The following NFASC variants were observed in gnomAD, a reference collection of about 807,000 sequenced individuals.
NFASC encodes the protein neurofascin homolog.
A neutral mutation model predicts 147.5 loss-of-function variants in NFASC; 43 were observed. The observed-to-expected ratio is 0.29, with a 90% CI of 0.23 to 0.38. The LOEUF is 0.38. Ranked by LOEUF, NFASC falls within the 10% of genes least tolerant of loss-of-function variation. The probability of loss-of-function intolerance (pLI) is 1.00; values close to 1 mark genes in which losing one functional copy is unlikely to be tolerated. For missense variants in NFASC, 1,320 were observed against 1,689.0 expected (o/e 0.78, Z 3.83); for synonymous variants, 622 against 665.5 (o/e 0.93, Z 1.01).
intron 3 of NFASC, chr1:204,946,344 G>A (rs1279806339): frequency 2.0e-6 from 1 of 512,460 alleles, no homozygotes; most frequent in Non-Finnish European, 3.9e-6. Flanking sequence ...TCCTTAGCCT[G>A]CGGGTTAGAG....
intron 1 of NFASC, among the ~76,000 whole-genome samples, chr1:204,864,228 G>A (rs1444831563): frequency 1.3e-5 from 2 of 152,142 alleles, no homozygotes; most frequent in Non-Finnish European, 2.9e-5. Flanking sequence ...AATATTCCAT[G>A]GTATGAATGC....
chr1:204,919,646 G>A (rs1294928810), intron 1 of NFASC, among the ~76,000 whole-genome samples: 1 of 151,318 alleles, frequency 6.6e-6, no homozygotes, highest in Non-Finnish European at 1.5e-5. Context: ...TTTTTGGGGG[G>A]CAGATGGAGT....
Position 205,022,685 on chromosome 1 carries a change from A to G in NFASC, c.*6146A>G, listed in dbSNP as rs1039030048. 4 of 152,678 alleles carry G rather than the reference A, an allele frequency of 2.6e-5. No individual in the cohort carries two copies. Among genetic ancestry groups the G allele is most frequent in the Admixed American group, 2.6e-4 (4 of 15,280 alleles). 9.5% of individuals were successfully genotyped at this position (152,678 alleles called of 1,614,324 possible). A position where few individuals can be genotyped will look rare whatever the true frequency, so the allele number is the denominator to read the frequency against. ...ACTTCTGGGCCATGGAGGGCCGTCT[A>G]ATACATGGACTTATAAACTGACTGC... is the stretch of plus-strand genomic sequence containing the variant. On this transcript the variant is annotated 3_prime_UTR_variant, in exon 30 of 30. Transcript: ENST00000339876.
intron 3 of NFASC, among the ~76,000 whole-genome samples, chr1:204,945,942 A>G (rs2093698120): frequency 2.0e-5 from 3 of 152,188 alleles, no homozygotes; most frequent in Admixed American, 2.0e-4. Context: ...CCCCAGGGCC[A>G]GTGGGTGAGG....
At chr1:204,851,490 G>T (rs2075691043) in intron 1 of NFASC, among the ~76,000 whole-genome samples, 1 of 151,986 alleles carries the variant, frequency 6.6e-6, no homozygotes, top group African/African-American at 2.4e-5. Flanking sequence ...ATGCCACCAT[G>T]CCTGGCCAAT....
At chr1:204,905,360 G>C (rs1411001878) in intron 1 of NFASC, among the ~76,000 whole-genome samples, 1 of 138,898 alleles carries the variant, frequency 7.2e-6, no homozygotes, top group African/African-American at 2.7e-5. Context: ...TCCAGCTTTT[G>C]TTATTTTCAG....
rs1248386082 is a variant in NFASC at position 204,968,903 on chromosome 1, G to A, written c.924G>A (p.Glu308=). The part of the protein sequence containing the change: ...NKALRITNVS[E]EDSGEYFCLA... ...CCCTGCGTATCACAAATGTCTCTGA[G>A]GAAGACTCCGGGGAGTATTTCTGCC... Residue 308 remains glutamate (E), a synonymous_variant, in exon 10 of 30, where the codon GAG becomes GAA. Coordinates refer to ENST00000339876, the MANE Select transcript of NFASC (RefSeq NM_001005388.3). This position sits in a 1 kb window ranked among gnomAD's most constrained non-coding sequence, Gnocchi z 5.4. The A allele has an allele frequency of 1.2e-6, 2 of 1,614,044 alleles. No individual in the cohort carries two copies. Among genetic ancestry groups the A allele is most frequent in the Non-Finnish European group, 1.7e-6 (2 of 1,180,026 alleles).
chr1:204,902,960 A>AGTAGG (rs1163442070), intron 1 of NFASC, among the ~76,000 whole-genome samples: 1 of 152,182 alleles, frequency 6.6e-6, no homozygotes, highest in Admixed American at 6.5e-5. Context: ...GCAGGCACAG[A>AGTAGG]GTAGGTGGAA....
intron 21 of NFASC, chr1:204,985,988 G>T: frequency 6.2e-7 from 1 of 1,614,042 alleles, no homozygotes; most frequent in Non-Finnish European, 8.5e-7. Flanking sequence ...CTTCCCTGGT[G>T]ACCGCCTCCG....
At chr1:204,860,700 ACC>A (rs761447591) in intron 1 of NFASC, among the ~76,000 whole-genome samples, 1 of 152,170 alleles carries the variant, frequency 6.6e-6, no homozygotes, top group Non-Finnish European at 1.5e-5. Flanking sequence ...GACTTTTATT[ACC>A]CCAAAAGGAA....
At chr1:204,842,599 C>G (rs1675675779) in intron 1 of NFASC, among the ~76,000 whole-genome samples, 1 of 152,252 alleles carries the variant, frequency 6.6e-6, no homozygotes, top group South Asian at 2.1e-4. Flanking sequence ...AGAAGCCTGG[C>G]CCGTTCTGTG....
intron 8 of NFASC, among the ~76,000 whole-genome samples, chr1:204,963,699 C>T (rs1478421821): frequency 1.3e-5 from 2 of 152,310 alleles, no homozygotes; most frequent in Non-Finnish European, 1.5e-5. Flanking sequence ...GGAGCTGACC[C>T]AAGTATGAAG....
intron 13 of NFASC, 134 bp from the exon 14 acceptor site, chr1:204,974,523 C>T (rs747348028): frequency 8.9e-6 from 10 of 1,118,420 alleles, no homozygotes; most frequent in African/African-American, 7.6e-5. Flanking sequence ...GCAGACCCTC[C>T]GAGGCTCAGG....
intron 1 of NFASC, among the ~76,000 whole-genome samples, chr1:204,902,495 A>G (rs988175224): frequency 7.2e-5 from 11 of 152,216 alleles, no homozygotes; most frequent in African/African-American, 2.7e-4. Context: ...AGGTGAAATA[A>G]TGTTATCAAG....
chr1:205,009,295 T>C, intron 27 of NFASC: 1 of 590,796 alleles, frequency 1.7e-6, no homozygotes, highest in Non-Finnish European at 3.1e-6. Context: ...TTCCCCTTCC[T>C]AAAGGACCTG....
chr1:204,904,153 GCAGGTA>G (rs2085265931), intron 1 of NFASC, among the ~76,000 whole-genome samples: 1 of 152,168 alleles, frequency 6.6e-6, no homozygotes, highest in Non-Finnish European at 1.5e-5. Flanking sequence ...AAGCTGGAGT[GCAGGTA>G]CAATTTTGGC....
chr1:204,846,280 G>A (rs749724492), intron 1 of NFASC, among the ~76,000 whole-genome samples: 11 of 151,948 alleles, frequency 7.2e-5, no homozygotes, highest in Admixed American at 7.2e-4. Flanking sequence ...GAAGTGAGGT[G>A]TTATGTTTCA....
At chr1:204,872,732 G>T (rs988555259) in intron 1 of NFASC, among the ~76,000 whole-genome samples, 1 of 152,184 alleles carries the variant, frequency 6.6e-6, no homozygotes, top group African/African-American at 2.4e-5. Context: ...TGTGCTCAGG[G>T]TGCAACAGGA....
At chr1:204,873,102 C>T (rs1028011065) in intron 1 of NFASC, among the ~76,000 whole-genome samples, 2 of 152,150 alleles carry the variant, frequency 1.3e-5, no homozygotes, top group African/African-American at 4.8e-5. Flanking sequence ...AGGTCAGATG[C>T]AAGGAAATAC....
Sources: gnomAD v4.1 joint callset for allele counts (sites outside exome capture counted in the v4.1 genomes callset) on GRCh38, gnomAD v4.1.1 for gene constraint, Gnocchi (gnomAD v3.1) non-coding constraint, MANE v1.5 for transcripts, NCBI Gene and HGNC (gene_info 2026-07-23, HGNC 2026-07-21) for gene names.